The following MROH9 variants were observed in gnomAD, a reference collection of about 807,000 sequenced individuals.
MROH9 encodes the protein maestro heat-like repeat-containing protein family member 9.
Under a neutral mutation model 98.2 loss-of-function variants are expected in MROH9, and 92 were observed. That is an observed-to-expected ratio of 0.94 (90% CI 0.79 to 1.11). The LOEUF (loss-of-function observed/expected upper bound fraction) is 1.11. MROH9 is among the 50% of genes most tolerant of loss of function. MROH9 has a pLI of 0.00. For missense variants in MROH9, 1,057 were observed against 1,014.8 expected, an observed-to-expected ratio of 1.04 and a Z score of -0.57; for synonymous variants, 397 against 368.9, an observed-to-expected ratio of 1.08 and a Z score of -0.87.
chr1:170,936,541 C>G (rs1648890417), intron 1 of MROH9, among the ~76,000 whole-genome samples: 1 of 152,086 alleles, frequency 6.6e-6, no homozygotes, highest in Non-Finnish European at 1.5e-5. Context: ...ACAGACATAC[C>G]CCAAAATAAT....
chr1:170,993,820 G>T (rs542088244), intron 12 of MROH9, among the ~76,000 whole-genome samples: 28 of 152,114 alleles, frequency 1.8e-4, no homozygotes, highest in African/African-American at 6.7e-4. Context: ...CTATGCAATT[G>T]CCCATAATTT....
intron 20 of MROH9, among the ~76,000 whole-genome samples, chr1:171,027,499 G>T (rs955543032): frequency 6.6e-6 from 1 of 152,096 alleles, no homozygotes; most frequent in African/African-American, 2.4e-5. Flanking sequence ...ATTTTAAATG[G>T]TGCTGCAATA....
chr1:170,972,590 C>A (rs1386342812), intron 8 of MROH9, among the ~76,000 whole-genome samples: 2 of 152,112 alleles, frequency 1.3e-5, no homozygotes, highest in African/African-American at 4.8e-5. Context: ...GTGGGCGGAT[C>A]ACAAGGTCAG....
At chr1:170,950,528 C>A (rs1649509332) in intron 3 of MROH9, among the ~76,000 whole-genome samples, 1 of 152,022 alleles carries the variant, frequency 6.6e-6, no homozygotes, top group South Asian at 2.1e-4. Context: ...ATTCTTATAT[C>A]TGCATATTCT....
chr1:170,993,742 C>G (rs1651453351), intron 12 of MROH9, among the ~76,000 whole-genome samples: 1 of 152,132 alleles, frequency 6.6e-6, no homozygotes, highest in Non-Finnish European at 1.5e-5. Flanking sequence ...AACAGCCATT[C>G]ATCATAATAA....
intron 8 of MROH9, among the ~76,000 whole-genome samples, chr1:170,973,809 A>C (rs559069949): frequency 2.0e-4 from 31 of 152,338 alleles, no homozygotes; most frequent in South Asian, 8.3e-4. Flanking sequence ...TGGGAGGCAG[A>C]GGTTGCAGTG....
intron 8 of MROH9, among the ~76,000 whole-genome samples, chr1:170,977,748 A>G (rs940255318): frequency 6.6e-6 from 1 of 152,088 alleles, no homozygotes; most frequent in Non-Finnish European, 1.5e-5. Flanking sequence ...TTCCTCCCCA[A>G]CTCGGAGGCA....
chr1:170,997,070 T>C (rs554124949), intron 14 of MROH9, among the ~76,000 whole-genome samples: 3 of 152,284 alleles, frequency 2.0e-5, no homozygotes, highest in South Asian at 4.1e-4. Context: ...AGAGAACTTT[T>C]ATTTTTCTTG....
At chr1:170,958,057 C>T (rs572247098) in intron 3 of MROH9, among the ~76,000 whole-genome samples, 1 of 152,248 alleles carries the variant, frequency 6.6e-6, no homozygotes, top group East Asian at 1.9e-4. Flanking sequence ...GGTCCCCCCG[C>T]CTCGGCCTCC....
At chr1:170,943,712 A>G (rs1261673753) in intron 1 of MROH9, among the ~76,000 whole-genome samples, 4 of 152,048 alleles carry the variant, frequency 2.6e-5, no homozygotes, top group Non-Finnish European at 5.9e-5. Flanking sequence ...CAATGGAACA[A>G]TGTCTGTAAA....
intron 3 of MROH9, among the ~76,000 whole-genome samples, chr1:170,953,868 AG>A (rs1464088037): frequency 5.0e-5 from 4 of 80,580 alleles, no homozygotes; most frequent in Admixed American, 1.2e-4. Flanking sequence ...AGAAAGAGAG[AG>A]AGAGAGAGAG....
intron 20 of MROH9, among the ~76,000 whole-genome samples, chr1:171,057,192 C>T (rs1246010176): frequency 2.0e-5 from 3 of 152,066 alleles, no homozygotes; most frequent in African/African-American, 7.2e-5. Context: ...ATGTTCTAAC[C>T]CAATGCAAAG....
At chr1:170,995,769 AC>A (rs746853613) in intron 13 of MROH9, among the ~76,000 whole-genome samples, 1 of 152,036 alleles carries the variant, frequency 6.6e-6, no homozygotes, top group Non-Finnish European at 1.5e-5. Context: ...TGACCACAGA[AC>A]TCTGTTGATT....
intron 20 of MROH9, among the ~76,000 whole-genome samples, chr1:171,034,856 G>A (rs1571156424): frequency 1.3e-5 from 2 of 152,264 alleles, no homozygotes; most frequent in South Asian, 4.1e-4. Flanking sequence ...AAGACAAACA[G>A]ACCTGTGGAA....
chr1:170,938,111 T>G (rs1342225959), intron 1 of MROH9, among the ~76,000 whole-genome samples: 1 of 152,080 alleles, frequency 6.6e-6, no homozygotes, highest in Non-Finnish European at 1.5e-5. Context: ...TGTGGATCAG[T>G]CAGTCCAACC....
rs577615418 is a variant in MROH9, at chr1:171,050,264, T to C, written c.2282-11868T>C. 3.9e-5 allele frequency among the ~76,000 whole-genome samples: 6 copies of C among 152,302 alleles called. No individual in the cohort carries two copies. In the East Asian group the frequency reaches 1.2e-3, roughly 29 times the overall value. ...TCTTTTATAATTTTATGGTTTTGGG[T>C]CTTATTTAAATCTTTAACATCTCTT... On this transcript the variant is annotated intron_variant, in intron 20 of 21. Coordinates refer to ENST00000367759, the MANE Select transcript of MROH9 (RefSeq NM_001163629.2).
In MROH9 at chr1:171,064,543, C is replaced by A. The variant is rs1254963570; in HGVS notation, c.*203C>A. 3 of 505,156 alleles carry A rather than the reference C, an allele frequency of 5.9e-6. No homozygotes were observed. The East Asian group carries it at 1.0e-4, about 17-fold the overall frequency. The allele number at this position is 505,156 out of a possible 1,614,324, so 31.3% of individuals were successfully genotyped here. ...ATATAGAAATCTGAGAGAACTAGTG[C>A]CTCTGTATGTCTGACAGTGATCAGA... On this transcript the variant is annotated 3_prime_UTR_variant, in exon 22 of 22. Transcript: ENST00000367759.
chr1:171,049,580 C>A (rs1256023137), intron 20 of MROH9, among the ~76,000 whole-genome samples: 1 of 152,058 alleles, frequency 6.6e-6, no homozygotes, highest in Non-Finnish European at 1.5e-5. Flanking sequence ...CTTGCTCCAC[C>A]CCCCATTTCT....
In MROH9 at chr1:170,939,175, A is replaced by G. The variant is rs1282438388; in HGVS notation, c.-38+3588A>G. Among the ~76,000 whole-genome samples the G allele has an allele frequency of 3.9e-5, 6 of 152,188 alleles. No homozygotes were observed. In the South Asian group the frequency reaches 6.2e-4, roughly 16 times the overall value. ...TGTCTATCCACTTATCTCTTCCTCA[A>G]ATTTCTTCATCAATTTTCCAATCAT... is the stretch of plus-strand genomic sequence containing the variant. On this transcript the variant is annotated intron_variant, in intron 1 of 21. Coordinates refer to ENST00000367759, the MANE Select transcript of MROH9 (RefSeq NM_001163629.2).
Sources: gnomAD v4.1 joint callset for allele counts (sites outside exome capture counted in the v4.1 genomes callset) on GRCh38, gnomAD v4.1.1 for gene constraint, MANE v1.5 for transcripts, NCBI Gene and HGNC (gene_info 2026-07-23, HGNC 2026-07-21) for gene names.